Variants in SIL1 observed in about 807,000 individuals in gnomAD.
SIL1 encodes the protein nucleotide exchange factor SIL1.
In SIL1, 40 loss-of-function variants were observed where a neutral mutation model predicts 49.1. The observed-to-expected ratio is 0.81, with a 90% confidence interval of 0.63 to 1.06. The LOEUF (loss-of-function observed/expected upper bound fraction) is 1.06. SIL1 is among the 50% of genes least tolerant of loss of function. The probability of loss-of-function intolerance (pLI) is 0.00; values close to 1 mark genes in which losing one functional copy is unlikely to be tolerated. For missense variants in SIL1, 500 were observed against 572.6 expected, an observed-to-expected ratio of 0.87 and a Z score of 1.29; for synonymous variants, 253 against 250.8, an observed-to-expected ratio of 1.01 and a Z score of -0.08.
intron 2 of SIL1, among the ~76,000 whole-genome samples, chr5:139,121,843 A>G: frequency 6.6e-6 from 1 of 152,152 alleles, no homozygotes; most frequent in Non-Finnish European, 1.5e-5. Context: ...TGTGTAGAAC[A>G]TAGAGGATTA....
intron 7 of SIL1, among the ~76,000 whole-genome samples, chr5:138,984,515 T>C (rs1049621478): frequency 6.6e-6 from 1 of 152,020 alleles, no homozygotes; most frequent in East Asian, 1.9e-4. Flanking sequence ...TGTGCCACCA[T>C]GCCTGGCTAA....
intron 3 of SIL1, among the ~76,000 whole-genome samples, chr5:139,053,341 C>T (rs1769333916): frequency 6.6e-6 from 1 of 152,164 alleles, no homozygotes; most frequent in Non-Finnish European, 1.5e-5. Context: ...AATGCATACT[C>T]TTCTCTCCAT....
intron 5 of SIL1, among the ~76,000 whole-genome samples, chr5:139,033,125 C>T (rs1447830329): frequency 2.0e-5 from 3 of 152,118 alleles, no homozygotes; most frequent in African/African-American, 7.2e-5. Flanking sequence ...TCCCGAGTAG[C>T]TCGGACTACA....
intron 7 of SIL1, among the ~76,000 whole-genome samples, chr5:138,968,946 C>A (rs1464564852): frequency 6.6e-6 from 1 of 152,152 alleles, no homozygotes; most frequent in Non-Finnish European, 1.5e-5. Context: ...CATCTCCCTG[C>A]ACTTTGATTC....
chr5:139,000,171 T>C (rs1481599357), intron 7 of SIL1, among the ~76,000 whole-genome samples: 1 of 152,220 alleles, frequency 6.6e-6, no homozygotes, highest in Admixed American at 6.5e-5. Context: ...GTGTTTATCA[T>C]AAAGGGATGT....
At chr5:139,138,998 AAC>A (rs1050382098) in intron 1 of SIL1, among the ~76,000 whole-genome samples, 2 of 152,188 alleles carry the variant, frequency 1.3e-5, no homozygotes, top group Admixed American at 1.3e-4. Context: ...ACTGACATCA[AAC>A]ACTTCAGAGT....
chr5:139,058,585 A>G (rs1048337862), intron 3 of SIL1, among the ~76,000 whole-genome samples: 7 of 152,184 alleles, frequency 4.6e-5, no homozygotes, highest in African/African-American at 1.2e-4. Context: ...GTATGAACTC[A>G]TGGATATTTT....
chr5:139,136,860 T>C (rs566588195), intron 1 of SIL1, among the ~76,000 whole-genome samples: 1 of 152,294 alleles, frequency 6.6e-6, no homozygotes, highest in African/African-American at 2.4e-5. Context: ...TTCAATACCA[T>C]ACATAAGTTC....
At chr5:139,112,576 C>T (rs1770883603) in intron 3 of SIL1, among the ~76,000 whole-genome samples, 1 of 151,592 alleles carries the variant, frequency 6.6e-6, no homozygotes, top group South Asian at 2.1e-4. Flanking sequence ...CGGCAGCCGC[C>T]CCGTCTGGGA....
chr5:139,154,318 C>T (rs1751365960), intron 1 of SIL1, among the ~76,000 whole-genome samples: 2 of 152,228 alleles, frequency 1.3e-5, no homozygotes, highest in Admixed American at 6.5e-5. Context: ...GGCATCATGG[C>T]CCTCAGAAGA....
At chr5:139,111,839 C>T (rs185303949) in intron 3 of SIL1, among the ~76,000 whole-genome samples, 2 of 152,242 alleles carry the variant, frequency 1.3e-5, no homozygotes, top group African/African-American at 4.8e-5. Context: ...CTCCCCTCTC[C>T]CCACTCCCCA....
chr5:138,963,457 A>G (rs1170874939), intron 7 of SIL1, among the ~76,000 whole-genome samples: 2 of 152,236 alleles, frequency 1.3e-5, no homozygotes, highest in Non-Finnish European at 2.9e-5. Context: ...AGGAATGTTT[A>G]TGAATGAGCC....
chr5:139,028,342 A>G (rs186455015), intron 5 of SIL1, among the ~76,000 whole-genome samples: 3,316 of 152,120 alleles, frequency 0.022, 129 homozygotes, highest in African/African-American at 0.077. Flanking sequence ...TACTAAAAAT[A>G]CAAAAATTAG....
chr5:138,957,353 T>A (rs1043299790), intron 7 of SIL1, among the ~76,000 whole-genome samples: 1 of 151,446 alleles, frequency 6.6e-6, no homozygotes, highest in African/African-American at 2.4e-5. Flanking sequence ...GGAGGACTGC[T>A]TGAGTCCAGG....
At chr5:139,011,387 G>A (rs1309248250) in intron 7 of SIL1, among the ~76,000 whole-genome samples, 4 of 152,204 alleles carry the variant, frequency 2.6e-5, no homozygotes, top group Admixed American at 6.5e-5. Flanking sequence ...AGATGAACCC[G>A]GTACCTCAGA....
chr5:139,055,571 A>G (rs554242589), intron 3 of SIL1, among the ~76,000 whole-genome samples: 1 of 150,514 alleles, frequency 6.6e-6, no homozygotes, highest in South Asian at 2.1e-4. Context: ...TGCTATTGTC[A>G]TGAAAAGAAC....
intron 1 of SIL1, chr5:139,155,443 C>CAGAGTG (rs1289377940): frequency 2.9e-5 from 2 of 68,094 alleles, no homozygotes; most frequent in Non-Finnish European, 4.4e-5. Flanking sequence ...CACACGTACA[C>CAGAGTG]AGAGTGAGAG....
intron 3 of SIL1, among the ~76,000 whole-genome samples, chr5:139,061,799 G>C (rs955879195): frequency 6.6e-6 from 1 of 152,176 alleles, no homozygotes; most frequent in South Asian, 2.1e-4. Context: ...AAAACTCCCG[G>C]TTATGCTGAG....
chr5:139,023,712 T>C lies in SIL1; in HGVS notation c.646-2420A>G, dbSNP rs78153489. The stretch of plus-strand genomic sequence containing the variant: ...CTGGAATGAGAAAGGACTGGGGAAG[T>C]TCCTGGCTAGGAAAGTGCCATCTTC... On this transcript the variant is annotated intron_variant, in intron 6 of 9. Transcript: ENST00000394817. 3.1e-3 allele frequency among the ~76,000 whole-genome samples: 476 copies of C among 152,230 alleles called. 7 individuals are homozygous for C. The highest frequency in any genetic ancestry group is 0.023 in the East Asian group (120 of 5,172).
Sources: gnomAD v4.1 joint callset for allele counts (sites outside exome capture counted in the v4.1 genomes callset) on GRCh38, gnomAD v4.1.1 for gene constraint, MANE v1.5 for transcripts, NCBI Gene and HGNC (gene_info 2026-07-23, HGNC 2026-07-21) for gene names.